Variants in PDE4D observed in about 807,000 individuals in gnomAD.
PDE4D encodes the protein phosphodiesterase 4D.
Under a neutral mutation model 87.4 loss-of-function variants are expected in PDE4D, and 24 were observed. The ratio of observed to expected loss-of-function variants is 0.27; its 90% CI spans 0.20 to 0.39. The LOEUF (loss-of-function observed/expected upper bound fraction) is 0.39. Among genes scored for constraint, PDE4D ranks in the 10% least tolerant of loss-of-function variants. The probability of loss-of-function intolerance (pLI) is 1.00; values close to 1 mark genes in which losing one functional copy is unlikely to be tolerated. For synonymous variants in PDE4D, 384 were observed against 383.2 expected (o/e 1.00, Z -0.02); for missense variants, 714 against 1,041.0 (o/e 0.69, Z 4.32).
chr5:60,187,476 A>G (rs1784873764), intron 1 of PDE4D, among the ~76,000 whole-genome samples: 1 of 152,228 alleles, frequency 6.6e-6, no homozygotes, highest in South Asian at 2.1e-4. Flanking sequence ...TTAATTATTC[A>G]TCCAGGATTT....
chr5:59,304,182 T>C (rs1770820290), intron 1 of PDE4D, among the ~76,000 whole-genome samples: 1 of 152,134 alleles, frequency 6.6e-6, no homozygotes, highest in African/African-American at 2.4e-5. Flanking sequence ...GAGTTCTTGA[T>C]TTGATTCTCC....
intron 1 of PDE4D, among the ~76,000 whole-genome samples, chr5:59,429,588 C>T (rs2153631072): frequency 6.6e-6 from 1 of 152,084 alleles, no homozygotes; most frequent in Non-Finnish European, 1.5e-5. Flanking sequence ...TATGTGGATT[C>T]ATAAAATTAG....
chr5:60,191,855 GC>G (rs1042290883), intron 1 of PDE4D, among the ~76,000 whole-genome samples: 6 of 152,004 alleles, frequency 3.9e-5, no homozygotes, highest in Non-Finnish European at 7.4e-5. Flanking sequence ...ACAAAAATTA[GC>G]TGGGCATGGT....
rs568127403 is a variant in PDE4D at position 59,618,069 on chromosome 5, G to T, written c.455+275099C>A. 1.4e-4 allele frequency among the ~76,000 whole-genome samples: 21 copies of T among 151,798 alleles called. 1 individual carries two copies. In the South Asian group the frequency reaches 1.5e-3, roughly 11 times the overall value. ...ATTTCATTCCTTCAACAATCATTGA[G>T]AGTTTATGTGTCATGTAAAAAAAAG... is the stretch of plus-strand genomic sequence containing the variant. On this transcript the variant is annotated intron_variant, in intron 1 of 14. Coordinates refer to ENST00000340635, the MANE Select transcript of PDE4D (RefSeq NM_001104631.2).
chr5:59,665,783 C>A (rs942240864), intron 1 of PDE4D, among the ~76,000 whole-genome samples: 2 of 152,102 alleles, frequency 1.3e-5, no homozygotes, highest in African/African-American at 2.4e-5. Context: ...TAAAGAGGCC[C>A]CTTCTTCCAA....
intron 1 of PDE4D, among the ~76,000 whole-genome samples, chr5:59,228,639 C>T (rs1463183417): frequency 2.0e-5 from 3 of 152,110 alleles, no homozygotes; most frequent in Admixed American, 1.3e-4. Flanking sequence ...GCAGACAGAG[C>T]GATCCTCCTA....
At chr5:59,648,455 T>C (rs1321631143) in intron 1 of PDE4D, among the ~76,000 whole-genome samples, 3 of 152,210 alleles carry the variant, frequency 2.0e-5, no homozygotes, top group African/African-American at 4.8e-5. Flanking sequence ...ATGGATACCT[T>C]AGTTACCAAA....
rs1408697695 is a variant in PDE4D, at chr5:60,304,670, A to G, written c.-89-118983T>C. Among the ~76,000 whole-genome samples, 20 of 150,450 alleles carry G rather than the reference A, an allele frequency of 1.3e-4. No homozygotes were observed. In the South Asian group the frequency reaches 2.7e-3, roughly 20 times the overall value. On this transcript the variant is annotated intron_variant, in intron 1 of 16. Transcript: ENST00000502484. ...CCGTCTCAAAAAAAAAAAAAAAAAA[A>G]AAAAGAAATGGAGAGAGAAAAGGTG...
intron 1 of PDE4D, among the ~76,000 whole-genome samples, chr5:60,362,183 T>C (rs1296685692): frequency 6.6e-6 from 1 of 152,196 alleles, no homozygotes; most frequent in East Asian, 1.9e-4. Flanking sequence ...TCAAGAGATG[T>C]GAAATAAACC....
intron 1 of PDE4D, among the ~76,000 whole-genome samples, chr5:60,393,290 T>C (rs1762675043): frequency 6.6e-6 from 1 of 152,300 alleles, no homozygotes; most frequent in Middle Eastern, 3.4e-3. Context: ...TGATTTCACA[T>C]TGCCTGATTT....
At chr5:59,828,354 G>A (rs1770571959) in intron 1 of PDE4D, among the ~76,000 whole-genome samples, 1 of 151,974 alleles carries the variant, frequency 6.6e-6, no homozygotes, top group Admixed American at 6.6e-5. Flanking sequence ...TGGGAGTGAG[G>A]GGGTAATCAG....
At chr5:60,057,037 T>C (rs1158923054) in intron 2 of PDE4D, among the ~76,000 whole-genome samples, 4 of 152,086 alleles carry the variant, frequency 2.6e-5, no homozygotes, top group Admixed American at 2.6e-4. Context: ...ACAATTGTTT[T>C]TGAATTGGTT....
At position 59,281,979 on chromosome 5, in the gene PDE4D, C is replaced by T. The variant is rs139413394; in HGVS notation, c.456-66011G>A. Among the ~76,000 whole-genome samples the T allele has an allele frequency of 9.2e-5, 14 of 152,346 alleles. No homozygotes were observed. In the East Asian group the frequency reaches 2.7e-3, roughly 29 times the overall value. ...ATCATCAATTCTTTCAAAGTATTCA[C>T]TTGACTTTCATAGACAAAGTCAAGA... On this transcript the variant is annotated intron_variant, in intron 1 of 14. Coordinates refer to ENST00000340635, the MANE Select transcript of PDE4D (RefSeq NM_001104631.2).
rs547629836 is a variant in PDE4D, at chr5:59,367,835, T to C, written c.456-151867A>G. 3.3e-5 allele frequency among the ~76,000 whole-genome samples: 5 copies of C among 152,292 alleles called. No individual in the cohort carries two copies. The South Asian group carries it at 1.0e-3, about 32-fold the overall frequency. ...AGAAAGAAGCAGAGCTCTTAGTAGATGTAAAGAAATCCACTTCGTGCCAGT... is the reference window on the plus strand; with the variant it reads ...AGAAAGAAGCAGAGCTCTTAGTAGACGTAAAGAAATCCACTTCGTGCCAGT... On this transcript the variant is annotated intron_variant, in intron 1 of 14. Transcript: ENST00000340635.
At chr5:59,777,861 T>C (rs1268043019) in intron 1 of PDE4D, among the ~76,000 whole-genome samples, 1 of 152,160 alleles carries the variant, frequency 6.6e-6, no homozygotes, top group Non-Finnish European at 1.5e-5. Flanking sequence ...AAAGATTCCA[T>C]TCTAGAAGCA....
At chr5:60,370,774 TGTGC>T (rs1467725705) in intron 1 of PDE4D, among the ~76,000 whole-genome samples, 1 of 151,994 alleles carries the variant, frequency 6.6e-6, no homozygotes, top group Non-Finnish European at 1.5e-5. Flanking sequence ...TGTGTGTGTG[TGTGC>T]GTGCGTGCAT....
At chr5:59,980,119 C>T (rs1761761066) in intron 3 of PDE4D, among the ~76,000 whole-genome samples, 1 of 152,052 alleles carries the variant, frequency 6.6e-6, no homozygotes, top group Admixed American at 6.6e-5. Context: ...ATATTTTTAC[C>T]TGCATTTTTT....
intron 1 of PDE4D, among the ~76,000 whole-genome samples, chr5:59,311,185 G>C (rs1291529164): frequency 1.3e-5 from 2 of 152,024 alleles, no homozygotes; most frequent in Non-Finnish European, 2.9e-5. Flanking sequence ...AGGATGAATG[G>C]GGGATGCCCT....
At chr5:59,821,234 A>ACAG (rs1769614477) in intron 1 of PDE4D, among the ~76,000 whole-genome samples, 1 of 121,050 alleles carries the variant, frequency 8.3e-6, no homozygotes, top group African/African-American at 3.0e-5. Context: ...TTCTGTCTCA[A>ACAG]CAGCAACAAC....
Sources: gnomAD v4.1 joint callset for allele counts (sites outside exome capture counted in the v4.1 genomes callset) on GRCh38, gnomAD v4.1.1 for gene constraint, MANE v1.5 for transcripts, NCBI Gene and HGNC (gene_info 2026-07-23, HGNC 2026-07-21) for gene names.